ITGB2: variants seen among roughly 807,000 people sequenced by gnomAD.
ITGB2 encodes the protein integrin subunit beta 2, also known as integrin beta-2.
Under a neutral mutation model 86.8 loss-of-function variants are expected in ITGB2, and 56 were observed. That is an observed-to-expected ratio of 0.65 (90% confidence interval 0.52 to 0.81). ITGB2 has a LOEUF of 0.81. Among genes scored for constraint, ITGB2 ranks in the 30% least tolerant of loss-of-function variants. The pLI is 0.00. For missense variants in ITGB2, 948 were observed against 1,061.2 expected, an observed-to-expected ratio of 0.89 and a Z score of 1.48; for synonymous variants, 457 against 450.4, an observed-to-expected ratio of 1.01 and a Z score of -0.19.
At chr21:44,900,945 G>A (rs935235295) in intron 6 of ITGB2, among the ~76,000 whole-genome samples, 9 of 152,228 alleles carry the variant, frequency 5.9e-5, no homozygotes, top group Admixed American at 2.6e-4. Context: ...CCTCACACTC[G>A]TGAGCAGTGT....
chr21:44,887,288 A>G (rs1354921228), intron 14 of ITGB2, among the ~76,000 whole-genome samples: 2 of 152,122 alleles, frequency 1.3e-5, no homozygotes, highest in Non-Finnish European at 2.9e-5. Context: ...CACTCCCCAT[A>G]CTGTGAAAGT....
chr21:44,893,407 G>A lies in ITGB2; in HGVS notation c.1221C>T (p.Val407=), dbSNP rs751198456. The A allele has an allele frequency of 3.1e-6, 5 of 1,613,956 alleles. No individual in the cohort carries two copies. Among genetic ancestry groups the A allele is most frequent in the Non-Finnish European group, 4.2e-6 (5 of 1,179,954 alleles). Residue 407 remains valine (V), a synonymous_variant, in exon 10 of 16, where the codon GTC becomes GTT. Coordinates refer to ENST00000652462, the MANE Select transcript of ITGB2 (RefSeq NM_000211.5). ...GGACCCTTGTGGCCAGGCTCACCGG[G>A]ACATTGATCTGCACGCCATCACAGT... ...RGDCDGVQIN[V]PITFQVKVTA...
chr21:44,894,857 G>A, intron 9 of ITGB2, 114 bp downstream of exon 9: 2 of 796,944 alleles, frequency 2.5e-6, no homozygotes, highest in South Asian at 2.8e-5. Flanking sequence ...GGCCCACGGG[G>A]CAGGGGCTTT....
Position 44,900,454 on chromosome 21 carries a change from C to T in ITGB2, c.763G>A (p.Val255Ile), listed in dbSNP as rs200206541. 4.9e-5 allele frequency: 79 copies of T among 1,613,820 alleles called. No homozygotes were observed. The highest frequency in any genetic ancestry group is 8.3e-5 in the Admixed American group (5 of 60,000). The change falls in exon 7 of 16, where the codon GTC becomes ATC. Residue 255 changes from valine to isoleucine, a missense_variant. Transcript: ENST00000652462. ...ACPEEIGWRN[V>I]TRLLVFATDD... ...GTGGCAAACACCAGCAGCCGCGTGA[C>T]GTTGCGCCAGCCGATTTCCTCCTGA...
Position 44,893,396 on chromosome 21 carries a change from A to G in ITGB2, c.1224+8T>C, listed in dbSNP as rs1384025687. 2 of 1,613,566 alleles carry G rather than the reference A, an allele frequency of 1.2e-6. No individual in the cohort carries two copies. Among genetic ancestry groups the G allele is most frequent in the East Asian group, 4.5e-5 (2 of 44,858 alleles). The stretch of plus-strand genomic sequence containing the variant: ...AGCTGGGATGGGGACCCTTGTGGCC[A>G]GGCTCACCGGGACATTGATCTGCAC... On this transcript the variant is annotated splice_region_variant and intron_variant, in intron 10 of 15. Transcript: ENST00000652462.
intron 5 of ITGB2, 98 bp from the exon 6 acceptor site, chr21:44,901,831 C>T: frequency 7.3e-7 from 1 of 1,369,202 alleles, no homozygotes; most frequent in African/African-American, 1.4e-5. Context: ...TTCCTCTCTC[C>T]TAGCAGGGAG....
At chr21:44,898,650 C>G (rs1328135644) in intron 8 of ITGB2, among the ~76,000 whole-genome samples, 1 of 152,232 alleles carries the variant, frequency 6.6e-6, no homozygotes, top group Non-Finnish European at 1.5e-5. Flanking sequence ...GTGCTTCCTT[C>G]GTGAAATTCA....
chr21:44,897,722 G>A (rs577174701), intron 8 of ITGB2, among the ~76,000 whole-genome samples: 2 of 152,240 alleles, frequency 1.3e-5, no homozygotes, highest in South Asian at 2.1e-4. Context: ...GCTGTGTAAA[G>A]TACAATGACA....
chr21:44,918,935 A>AGCATCCCCTCTCCCAGCACTCGGAGCTG (rs1601334608), intron 1 of ITGB2, among the ~76,000 whole-genome samples: 5,949 of 111,214 alleles, frequency 0.053, 412 homozygotes, highest in African/African-American at 0.11. Context: ...TTGGGTGGCT[A>AGCATCCCCTCTCCCAGCACTCGGAGCTG]AGCGTCCCCT....
At chr21:44,902,035 C>T (rs1312829927) in intron 5 of ITGB2, among the ~76,000 whole-genome samples, 4 of 152,114 alleles carry the variant, frequency 2.6e-5, no homozygotes, top group African/African-American at 7.2e-5. Context: ...TGAACAGGTG[C>T]GTATGTGTAT....
chr21:44,892,096 G>C, intron 10 of ITGB2, 100 bp from the exon 11 acceptor site: 1 of 1,184,816 alleles, frequency 8.4e-7, no homozygotes, highest in South Asian at 1.3e-5. Flanking sequence ...GTCCTGGGGG[G>C]TTCAGCGTGG....
At chr21:44,923,983 T>A (rs934554904), upstream of ITGB2, among the ~76,000 whole-genome samples, 16 of 152,128 alleles carry the variant, frequency 1.1e-4, no homozygotes, top group African/African-American at 3.9e-4. Flanking sequence ...CAAAGGAAGA[T>A]GTAGCCAATG....
chr21:44,899,341 G>A (rs972991578), intron 7 of ITGB2, among the ~76,000 whole-genome samples, 179 bp from the exon 8 acceptor site: 1 of 152,238 alleles, frequency 6.6e-6, no homozygotes, highest in African/African-American at 2.4e-5. Context: ...CACGCCCTCT[G>A]GGCAATGTGT....
At position 44,891,845 on chromosome 21, in the gene ITGB2, C is replaced by G; in HGVS notation, c.1376G>C (p.Cys459Ser). 6.2e-7 allele frequency: 1 copy of G among 1,610,344 alleles called. No homozygotes were observed. Among genetic ancestry groups the G allele is most frequent in the Non-Finnish European group, 8.5e-7 (1 of 1,179,996 alleles). The part of the protein sequence containing the change: ...CRDQSRDRSL[C>S]HGKGFLECGI... ...GCACTCCAAGAAGCCCTTGCCATGG[C>G]AGAGGCTGCGGTCTCTGCTCTGGTC... Residue 459 changes from cysteine (C) to serine (S), a missense_variant, in exon 11 of 16, where the codon TGC becomes TCC. Cys to Ser is a moderately radical substitution (Grantham distance 112). Transcript: ENST00000652462.
intron 4 of ITGB2, among the ~76,000 whole-genome samples, chr21:44,904,339 GCA>G (rs1415473619): frequency 6.6e-6 from 1 of 151,272 alleles, no homozygotes; most frequent in Non-Finnish European, 1.5e-5. Context: ...TACACCACAT[GCA>G]CACACAGTCA....
At chr21:44,916,617 C>T (rs1486583495) in intron 1 of ITGB2, among the ~76,000 whole-genome samples, 1 of 152,112 alleles carries the variant, frequency 6.6e-6, no homozygotes, top group African/African-American at 2.4e-5. Context: ...CCTGTAATCC[C>T]AGCACTTTGG....
chr21:44,921,725 T>G (rs2084308362), upstream of ITGB2, among the ~76,000 whole-genome samples: 1 of 152,150 alleles, frequency 6.6e-6, no homozygotes, highest in African/African-American at 2.4e-5. Context: ...ATTTTTATGT[T>G]TTCAGTTTTT....
intron 1 of ITGB2, among the ~76,000 whole-genome samples, chr21:44,919,029 A>ATCG (rs1461039869): frequency 6.8e-6 from 1 of 146,360 alleles, no homozygotes; most frequent in East Asian, 2.0e-4. Flanking sequence ...AGGCACCTGC[A>ATCG]GTTGCTCAGC....
At position 44,910,387 on chromosome 21, in the gene ITGB2, C is replaced by T. The variant is rs74539155; in HGVS notation, c.59-15G>A. 2.5e-3 allele frequency: 3,979 copies of T among 1,614,020 alleles called. 97 individuals are homozygous for T. In the African/African-American group the frequency reaches 0.046, roughly 19 times the overall value. ...CTGAGAGAGGACTGAGGGACGAGGC[C>T]GGCTGGTGAGTGGGTGCTCTGGGCC... On this transcript the variant is annotated splice_polypyrimidine_tract_variant and intron_variant, in intron 2 of 15. Coordinates refer to ENST00000652462, the MANE Select transcript of ITGB2 (RefSeq NM_000211.5).
Sources: allele counts gnomAD v4.1 joint callset (sites outside exome capture counted in the v4.1 genomes callset), GRCh38; gene constraint gnomAD v4.1.1; transcripts MANE v1.5; gene names NCBI Gene and HGNC (gene_info 2026-07-23, HGNC 2026-07-21).